PRKCE: variants seen among roughly 807,000 people sequenced by gnomAD.
The protein encoded by PRKCE is protein kinase C epsilon type.
In PRKCE, 16 loss-of-function variants were observed where a neutral mutation model predicts 85.4. The observed-to-expected ratio is 0.19, with a 90% CI of 0.13 to 0.28. The LOEUF (loss-of-function observed/expected upper bound fraction) is 0.28. Among genes scored for constraint, PRKCE ranks in the 10% least tolerant of loss-of-function variants. PRKCE has a pLI of 1.00. For synonymous variants in PRKCE, 388 were observed against 371.5 expected, an observed-to-expected ratio of 1.04 and a Z score of -0.51; for missense variants, 573 against 975.2, an observed-to-expected ratio of 0.59 and a Z score of 5.49.
chr2:46,052,947 C>T (rs1708947780), intron 10 of PRKCE, among the ~76,000 whole-genome samples: 1 of 152,196 alleles, frequency 6.6e-6, no homozygotes, highest in Non-Finnish European at 1.5e-5. Context: ...TTAGTCTTTG[C>T]TCTCACACCA....
chr2:46,111,201 T>A (rs1295502672), intron 11 of PRKCE, among the ~76,000 whole-genome samples: 1 of 152,200 alleles, frequency 6.6e-6, no homozygotes, highest in Non-Finnish European at 1.5e-5. Flanking sequence ...TTTATAAATG[T>A]TAAGTTGATT....
Position 45,782,182 on chromosome 2 carries a change from A to G in PRKCE, c.349-60818A>G, listed in dbSNP as rs534598433. On this transcript the variant is annotated intron_variant, in intron 1 of 14. Transcript: ENST00000306156. ...GAGCTAAGAAAGGGATACTTTCTCA[A>G]CTCCAAGCTATCAGTGCTTTACCAA... Among the ~76,000 whole-genome samples the G allele has an allele frequency of 7.9e-5, 12 of 152,186 alleles. No individual in the cohort carries two copies. The East Asian group carries it at 2.3e-3, about 29-fold the overall frequency.
chr2:46,130,490 CTT>C (rs1415354721), intron 11 of PRKCE, among the ~76,000 whole-genome samples: 2 of 152,124 alleles, frequency 1.3e-5, no homozygotes, highest in African/African-American at 4.8e-5. Flanking sequence ...TGTTAATTAT[CTT>C]TTTAGTTTTC....
intron 1 of PRKCE, among the ~76,000 whole-genome samples, chr2:45,799,341 T>A (rs1242643341): frequency 6.6e-6 from 1 of 152,170 alleles, no homozygotes; most frequent in Non-Finnish European, 1.5e-5. Flanking sequence ...ATTCAAAGTG[T>A]ATAAAAATTG....
At chr2:45,814,948 G>A (rs1446938966) in intron 1 of PRKCE, among the ~76,000 whole-genome samples, 1 of 152,172 alleles carries the variant, frequency 6.6e-6, no homozygotes, top group African/African-American at 2.4e-5. Context: ...CAAGGTGTTG[G>A]TTTGGGTGTT....
chr2:45,795,470 G>A (rs770306024), intron 1 of PRKCE, among the ~76,000 whole-genome samples: 62 of 152,022 alleles, frequency 4.1e-4, no homozygotes, highest in Non-Finnish European at 7.6e-4. Flanking sequence ...CACCACGCCT[G>A]GCTAATTTTG....
rs960396512 is a variant in PRKCE, at chr2:45,835,756, A to AT, written c.349-7235dup. ...TAGGCATGCACCACCATGCTCAGCT[A>AT]TTTTTTTTTCTTATTTTTTGTAGAG... On this transcript the variant is annotated intron_variant, in intron 1 of 14. Transcript: ENST00000306156. 4.1e-4 allele frequency among the ~76,000 whole-genome samples: 61 copies of AT among 149,886 alleles called. No individual in the cohort carries two copies. The East Asian group carries it at 5.5e-3, about 13-fold the overall frequency.
intron 10 of PRKCE, among the ~76,000 whole-genome samples, chr2:46,062,925 G>C (rs931254161): frequency 6.6e-6 from 1 of 152,134 alleles, no homozygotes; most frequent in African/African-American, 2.4e-5. Flanking sequence ...CACTGCGCCC[G>C]GCCTCAGCTT....
intron 3 of PRKCE, among the ~76,000 whole-genome samples, chr2:45,977,504 G>A (rs552372727): frequency 5.3e-5 from 8 of 152,010 alleles, no homozygotes; most frequent in African/African-American, 9.7e-5. Context: ...GGCCATGGTG[G>A]TGTGCGCCTG....
At chr2:45,835,440 C>T in intron 1 of PRKCE, among the ~76,000 whole-genome samples, 1 of 152,130 alleles carries the variant, frequency 6.6e-6, no homozygotes, top group South Asian at 2.1e-4. Context: ...CTGGCCACTT[C>T]CAGCTCCAGG....
At chr2:46,048,002 A>T (rs182168179) in intron 10 of PRKCE, among the ~76,000 whole-genome samples, 1 of 152,270 alleles carries the variant, frequency 6.6e-6, no homozygotes, top group African/African-American at 2.4e-5. Flanking sequence ...AGACTAACTC[A>T]CATATTAATT....
chr2:45,830,039 C>G (rs1690280803), intron 1 of PRKCE, among the ~76,000 whole-genome samples: 1 of 139,330 alleles, frequency 7.2e-6, no homozygotes, highest in African/African-American at 2.8e-5. Flanking sequence ...CGCCACTGCA[C>G]TCCAGCCTGG....
intron 14 of PRKCE, among the ~76,000 whole-genome samples, chr2:46,172,507 G>A (rs904937200): frequency 7.2e-5 from 11 of 152,202 alleles, no homozygotes; most frequent in Non-Finnish European, 8.8e-5. Flanking sequence ...GTGCCTGGGC[G>A]GCCCTGGGAG....
chr2:45,814,151 G>A (rs575272240), intron 1 of PRKCE, among the ~76,000 whole-genome samples: 86 of 152,316 alleles, frequency 5.6e-4, no homozygotes, highest in Admixed American at 9.8e-4. Context: ...TCCTGCCACT[G>A]TGATGAGTCT....
chr2:45,984,519 G>A (rs4953294), intron 5 of PRKCE, 32 bp from the exon 6 acceptor site: 419,483 of 1,594,236 alleles, frequency 0.26, 58,263 homozygotes, highest in South Asian at 0.29. Flanking sequence ...TGAGGAGCTC[G>A]GTGGTGAACC....
intron 11 of PRKCE, among the ~76,000 whole-genome samples, chr2:46,101,677 G>T (rs1045951374): frequency 3.9e-5 from 6 of 152,142 alleles, no homozygotes; most frequent in African/African-American, 1.4e-4. Flanking sequence ...GTATTTAATA[G>T]AATTTCAGAG....
chr2:46,105,155 T>A (rs1671597464), intron 11 of PRKCE, among the ~76,000 whole-genome samples: 1 of 152,186 alleles, frequency 6.6e-6, no homozygotes, highest in Non-Finnish European at 1.5e-5. Flanking sequence ...AAGCTGCTTC[T>A]CCTGTTATCT....
chr2:45,985,908 C>T (rs552806679), intron 6 of PRKCE, among the ~76,000 whole-genome samples: 3 of 152,332 alleles, frequency 2.0e-5, no homozygotes, highest in African/African-American at 7.2e-5. Context: ...CTAGACTGAG[C>T]ATTTAGATGT....
At chr2:45,867,591 AT>A (rs1396734702) in intron 2 of PRKCE, among the ~76,000 whole-genome samples, 1 of 152,144 alleles carries the variant, frequency 6.6e-6, no homozygotes, top group Non-Finnish European at 1.5e-5. Flanking sequence ...AGAGATTCAG[AT>A]TTATTTTTAA....
Sources: allele counts gnomAD v4.1 joint callset (sites outside exome capture counted in the v4.1 genomes callset), GRCh38; gene constraint gnomAD v4.1.1; transcripts MANE v1.5; gene names NCBI Gene and HGNC (gene_info 2026-07-23, HGNC 2026-07-21).